Variants in CUL9 observed in about 807,000 individuals in gnomAD.
CUL9 encodes cullin 9.
A neutral mutation model predicts 272.6 loss-of-function variants in CUL9; 79 were observed. The ratio of observed to expected loss-of-function variants is 0.29; its 90% CI spans 0.24 to 0.35. The LOEUF (loss-of-function observed/expected upper bound fraction) is 0.35, where lower values mean the gene tolerates loss of function less well. Ranked by LOEUF, CUL9 falls within the 10% of genes least tolerant of loss-of-function variation. CUL9 has a pLI of 1.00. For synonymous variants in CUL9, 1,186 were observed against 1,286.5 expected (o/e 0.92, Z 1.67); for missense variants, 2,532 against 3,255.6 (o/e 0.78, Z 5.41).
In CUL9 at chr6:43,223,588, A is replaced by C; in HGVS notation, c.7284+191A>C. On this transcript the variant is annotated intron_variant, in intron 39 of 40. Transcript: ENST00000252050. This position sits in a 1 kb window ranked among gnomAD's most constrained non-coding sequence, Gnocchi z 4.1. ...TGATGCTGCTGGACCCTATCACTTC[A>C]CCTCCTGGGGATTCCTACAAAATAA... The C allele has an allele frequency of 1.5e-6, 1 of 676,598 alleles. No individual in the cohort carries two copies. Among genetic ancestry groups the C allele is most frequent in the Non-Finnish European group, 2.4e-6 (1 of 412,252 alleles). 41.9% of individuals were successfully genotyped at this position (676,598 alleles called of 1,614,324 possible).
At chr6:43,195,168 A>G (rs961534095) in intron 9 of CUL9, among the ~76,000 whole-genome samples, 4 of 152,182 alleles carry the variant, frequency 2.6e-5, no homozygotes, top group African/African-American at 9.7e-5. Context: ...CTTCATTGAG[A>G]AGTAGAAGTT....
At position 43,221,395 on chromosome 6, in the gene CUL9, G is replaced by T; in HGVS notation, c.6752+74G>T. On this transcript the variant is annotated intron_variant, in intron 34 of 40. Coordinates refer to ENST00000252050, the MANE Select transcript of CUL9 (RefSeq NM_015089.4). The surrounding 1 kb of genome is among the most constrained non-coding windows in gnomAD (Gnocchi z 4.2). ...AGGCCTGGCAGAAGGAGGGGGGAAC[G>T]GGCTTAGTGTAAAGCTCAGCAAAAG... is the stretch of plus-strand genomic sequence containing the variant. 2.7e-6 allele frequency: 4 copies of T among 1,487,632 alleles called. No homozygotes were observed. The highest frequency in any genetic ancestry group is 3.6e-6 in the Non-Finnish European group (4 of 1,110,498). The allele number at this position is 1,487,632 out of a possible 1,614,324, so 92.2% of individuals were successfully genotyped here. A position where few individuals can be genotyped will look rare whatever the true frequency, so the allele number is the denominator to read the frequency against.
chr6:43,191,294 GTGT>G (rs1332878693), intron 8 of CUL9, among the ~76,000 whole-genome samples: 3 of 143,808 alleles, frequency 2.1e-5, no homozygotes, highest in African/African-American at 8.0e-5. Context: ...GTGTGTGTGC[GTGT>G]TGTTTTTTTT....
chr6:43,198,170 G>A (rs1774183645), intron 11 of CUL9: 1 of 625,768 alleles, frequency 1.6e-6, no homozygotes. Flanking sequence ...GAGCCCAGGA[G>A]TTGGAGGTCA....
At chr6:43,183,330 G>T (rs1052956043) in intron 1 of CUL9, among the ~76,000 whole-genome samples, 2 of 152,098 alleles carry the variant, frequency 1.3e-5, no homozygotes, top group Non-Finnish European at 2.9e-5. Context: ...GGTCCCTAGG[G>T]CCCTCCCCCT....
Position 43,205,245 on chromosome 6 carries a change from C to T in CUL9, c.4633-18C>T. ...TCCCTCATTCATGGTTTGCTCATGC[C>T]CTTTCCCCTGCCCCCAGATGAGTGA... On this transcript the variant is annotated intron_variant, in intron 23 of 40. Transcript: ENST00000252050. 1 of 1,611,274 alleles carries T rather than the reference C, an allele frequency of 6.2e-7. No homozygotes were observed. Among genetic ancestry groups the T allele is most frequent in the Non-Finnish European group, 8.5e-7 (1 of 1,177,616 alleles).
rs371397806 is a variant in CUL9 at position 43,224,493 on chromosome 6, T to C, written c.*48T>C. 5.6e-4 allele frequency: 882 copies of C among 1,563,646 alleles called. 2 individuals are homozygous for C. In the Middle Eastern group the frequency reaches 8.2e-3, roughly 14 times the overall value. On this transcript the variant is annotated 3_prime_UTR_variant, in exon 41 of 41. Coordinates refer to ENST00000252050, the MANE Select transcript of CUL9 (RefSeq NM_015089.4). This position sits in a 1 kb window ranked among gnomAD's most constrained non-coding sequence, Gnocchi z 4.2. ...TAGAGCAGCCCCAGAGTCACGGGGC[T>C]GAGGGGGCGGGAGCTGCCCCTGTCA...
Position 43,223,992 on chromosome 6 carries a change from C to G in CUL9, c.7285-103C>G. The G allele has an allele frequency of 9.1e-7, 1 of 1,103,126 alleles. No homozygotes were observed. The highest frequency in any genetic ancestry group is 1.3e-5 in the South Asian group (1 of 79,778). 68.3% of individuals were successfully genotyped at this position (1,103,126 alleles called of 1,614,324 possible). A position where few individuals can be genotyped will look rare whatever the true frequency, so the allele number is the denominator to read the frequency against. ...GTGCTGTGCTGGGAGGGGAGCAGTC[C>G]TAGCAGGAGCTTGGCCCTCCCAGAG... On this transcript the variant is annotated intron_variant, in intron 39 of 40. Coordinates refer to ENST00000252050, the MANE Select transcript of CUL9 (RefSeq NM_015089.4). The surrounding 1 kb of genome is among the most constrained non-coding windows in gnomAD (Gnocchi z 4.1).
intron 16 of CUL9, among the ~76,000 whole-genome samples, chr6:43,201,233 A>G (rs1371293517): frequency 6.6e-6 from 1 of 152,246 alleles, no homozygotes; most frequent in Non-Finnish European, 1.5e-5. Flanking sequence ...AAGTAAGAGC[A>G]CAGAGTAAGA....
In CUL9 at chr6:43,200,324, G is replaced by A. The variant is rs1051544876; in HGVS notation, c.3385-112G>A. ...ATGGTTCTGTCAAAATGTGGGGAGA[G>A]AGGAGTTGAGTATACCGTTGACCCT... On this transcript the variant is annotated intron_variant, in intron 14 of 40. Coordinates refer to ENST00000252050, the MANE Select transcript of CUL9 (RefSeq NM_015089.4). This position sits in a 1 kb window ranked among gnomAD's most constrained non-coding sequence, Gnocchi z 4.0. 1.9e-6 allele frequency: 3 copies of A among 1,559,586 alleles called. No individual in the cohort carries two copies. Among genetic ancestry groups the A allele is most frequent in the African/African-American group, 1.4e-5 (1 of 73,748 alleles).
At position 43,220,383 on chromosome 6, in the gene CUL9, A is replaced by G; in HGVS notation, c.6283-76A>G. On this transcript the variant is annotated intron_variant, in intron 31 of 40. Coordinates refer to ENST00000252050, the MANE Select transcript of CUL9 (RefSeq NM_015089.4). This position sits in a 1 kb window ranked among gnomAD's most constrained non-coding sequence, Gnocchi z 4.9. Reference sequence around the variant, plus strand: ...GGAGGGGAAGGGAAGGAGGGACGCTAGCTTAGTTACCAGGACACTCCCCCT... The same window carrying G: ...GGAGGGGAAGGGAAGGAGGGACGCTGGCTTAGTTACCAGGACACTCCCCCT... 6.5e-7 allele frequency: 1 copy of G among 1,534,944 alleles called. No homozygotes were observed. Among genetic ancestry groups the G allele is most frequent in the Non-Finnish European group, 8.9e-7 (1 of 1,121,294 alleles).
Position 43,222,231 on chromosome 6 carries a change from CT to C in CUL9, c.6847-84del, listed in dbSNP as rs376086339. 4.3e-5 allele frequency: 46 copies of C among 1,067,352 alleles called. No homozygotes were observed. In the African/African-American group the frequency reaches 4.5e-4, roughly 10 times the overall value. 66.1% of individuals were successfully genotyped at this position (1,067,352 alleles called of 1,614,324 possible). A position where few individuals can be genotyped will look rare whatever the true frequency, so the allele number is the denominator to read the frequency against. On this transcript the variant is annotated intron_variant, in intron 35 of 40. Coordinates refer to ENST00000252050, the MANE Select transcript of CUL9 (RefSeq NM_015089.4). ...ATAATCGGGGGAGGTGTAGAAAGGC[CT>C]CCGTGAATGTTGGCTTTTCCACTTA...
chr6:43,215,624 G>A (rs1775874875), intron 30 of CUL9, among the ~76,000 whole-genome samples: 1 of 152,138 alleles, frequency 6.6e-6, no homozygotes, highest in Admixed American at 6.5e-5. Flanking sequence ...TAATCAACCA[G>A]CACCCCTAAA....
chr6:43,186,278 A>G lies in CUL9; in HGVS notation c.1074A>G (p.Arg358=). 6.2e-7 allele frequency: 1 copy of G among 1,614,190 alleles called. No individual in the cohort carries two copies. Among genetic ancestry groups the G allele is most frequent in the Non-Finnish European group, 8.5e-7 (1 of 1,180,026 alleles). Residue 358 remains arginine (R), a synonymous_variant, in exon 4 of 41, where the codon AGA becomes AGG. Transcript: ENST00000252050. ...LLPTIVTTPR[R]QGWVFRQRSE... ...CCACCATTGTCACCACCCCCAGAAG[A>G]CAAGGGTGGGTCTTCCGCCAGCGCT...
Position 43,187,475 on chromosome 6 carries a change from T to C in CUL9, c.1581+36T>C, listed in dbSNP as rs374801171. ...TCTGAGATACCTGGGGGTTTTCTAG[T>C]AGGGTTAGAGGTGGGATTCTCTAGA... On this transcript the variant is annotated intron_variant, in intron 6 of 40. Transcript: ENST00000252050. 14 of 1,599,870 alleles carry C rather than the reference T, an allele frequency of 8.8e-6. No homozygotes were observed. The African/African-American group carries it at 1.9e-4, about 22-fold the overall frequency.
rs559467472 is a variant in CUL9, at chr6:43,184,615, G to A, written c.305G>A (p.Arg102Gln). 22 of 1,612,386 alleles carry A rather than the reference G, an allele frequency of 1.4e-5. No individual in the cohort carries two copies. The Admixed American group carries it at 1.8e-4, about 13-fold the overall frequency. The change falls in exon 2 of 41, where the codon CGA (arginine) becomes CAA (glutamine). Residue 102 changes from arginine (R) to glutamine (Q), a missense_variant. By Grantham distance (43) the Arg-to-Gln change is conservative (BLOSUM62 1). Coordinates refer to ENST00000252050, the MANE Select transcript of CUL9 (RefSeq NM_015089.4). The surrounding 1 kb of genome is among the most constrained non-coding windows in gnomAD (Gnocchi z 4.8). The part of the protein sequence containing the change: ...EPAGVSGSFP[R>Q]DPGGLDEVAM... ...GCTGGGGTTTCAGGAAGCTTTCCTC[G>A]AGATCCAGGAGGCCTGGATGAAGTG...
In CUL9 at chr6:43,215,215, G is replaced by T. The variant is rs200928086; in HGVS notation, c.5825G>T (p.Arg1942Leu). Residue 1942 changes from arginine to leucine, a missense_variant, in exon 30 of 41, where the codon CGT becomes CTT. By Grantham distance (102) the Arg-to-Leu change is moderately radical. Transcript: ENST00000252050. ...HLLGQGYVKR[R>L]DDRPQILMYA... ...TTAGGCCAGGGCTACGTGAAACGGCGTGATGACCGGCCCCAGATCCTGATG... is the reference window on the plus strand; with the variant it reads ...TTAGGCCAGGGCTACGTGAAACGGCTTGATGACCGGCCCCAGATCCTGATG... The T allele has an allele frequency of 1.2e-5, 19 of 1,614,218 alleles. 1 individual carries two copies. In the Admixed American group the frequency reaches 2.3e-4, roughly 20 times the overall value.
chr6:43,199,257 C>G lies in CUL9; in HGVS notation c.3051-9C>G. On this transcript the variant is annotated splice_polypyrimidine_tract_variant and intron_variant, in intron 12 of 40. Transcript: ENST00000252050. This position sits in a 1 kb window ranked among gnomAD's most constrained non-coding sequence, Gnocchi z 4.4. ...GGCCTGACTTCACTCGTTTCTACCC[C>G]CTCACCAGGGTCATAACCCGACTGC... 1.9e-6 allele frequency: 3 copies of G among 1,609,848 alleles called. No homozygotes were observed. Among genetic ancestry groups the G allele is most frequent in the Non-Finnish European group, 2.5e-6 (3 of 1,176,626 alleles).
At chr6:43,188,415 C>T in intron 7 of CUL9, 108 bp from the exon 8 acceptor site, 1 of 1,107,450 alleles carries the variant, frequency 9.0e-7, no homozygotes, top group Non-Finnish European at 1.3e-6. Flanking sequence ...GCTGCAGTAG[C>T]CGATAATGTG....
Sources: allele counts gnomAD v4.1 joint callset (sites outside exome capture counted in the v4.1 genomes callset), GRCh38; gene constraint gnomAD v4.1.1; non-coding constraint Gnocchi (gnomAD v3.1); transcripts MANE v1.5; gene names NCBI Gene and HGNC (gene_info 2026-07-23, HGNC 2026-07-21).